Variants in JHY observed in about 807,000 individuals in gnomAD.
JHY encodes the protein jhy protein homolog.
In JHY, 69 loss-of-function variants were observed where a neutral mutation model predicts 78.0. The observed-to-expected ratio is 0.88, with a 90% CI of 0.73 to 1.08. The LOEUF (loss-of-function observed/expected upper bound fraction) is 1.08. Ranked by LOEUF, JHY falls within the 50% of genes least tolerant of loss-of-function variation. The pLI, the probability that JHY is intolerant of heterozygous loss-of-function variation, is 0.00. For synonymous variants in JHY, 368 were observed against 342.6 expected, an observed-to-expected ratio of 1.07 and a Z score of -0.82; for missense variants, 944 against 927.8, an observed-to-expected ratio of 1.02 and a Z score of -0.23.
intron 6 of JHY, among the ~76,000 whole-genome samples, chr11:122,955,034 A>T (rs1012289552): frequency 6.6e-6 from 1 of 152,230 alleles, no homozygotes; most frequent in African/African-American, 2.4e-5. Context: ...CCAAAAAGGA[A>T]ACCAAATTAA....
intron 3 of JHY, among the ~76,000 whole-genome samples, chr11:122,908,116 G>A (rs1447651887): frequency 6.6e-6 from 1 of 152,014 alleles, no homozygotes; most frequent in Non-Finnish European, 1.5e-5. Flanking sequence ...TAAATATGGG[G>A]AGTCCGCCAC....
At chr11:122,890,453 T>C (rs903204887) in intron 2 of JHY, among the ~76,000 whole-genome samples, 5 of 152,146 alleles carry the variant, frequency 3.3e-5, no homozygotes, top group Non-Finnish European at 5.9e-5. Context: ...GTCTCCTAGG[T>C]AATAAATGGG....
Position 122,924,931 on chromosome 11 carries a change from C to CAAG in JHY, c.899_900insAAG (p.Ser300dup). On this transcript the variant is annotated inframe_insertion, in exon 4 of 9. Coordinates refer to ENST00000227349, the MANE Select transcript of JHY (RefSeq NM_024806.4). ...CCCGTCAGAGTAACAGACAAGACGT[C>CAAG]TATTCAGAATGCCAAGGAAATGGAA... 6 of 1,614,050 alleles carry CAAG rather than the reference C, an allele frequency of 3.7e-6. No individual in the cohort carries two copies. Among genetic ancestry groups the CAAG allele is most frequent in the Non-Finnish European group, 5.1e-6 (6 of 1,179,938 alleles).
At position 122,883,135 on chromosome 11, in the gene JHY, G is replaced by A. The variant is rs1862418983; in HGVS notation, c.-90+163G>A. Among the ~76,000 whole-genome samples the A allele has an allele frequency of 6.6e-6, 1 of 152,094 alleles. No individual in the cohort carries two copies. Among genetic ancestry groups the A allele is most frequent in the Non-Finnish European group, 1.5e-5 (1 of 67,998 alleles). ...GGAGTGGGGAGCGACAAGGGGGCGA[G>A]GCCGCGACAAGGGGCTGGGGGGCCG... is the stretch of plus-strand genomic sequence containing the variant. On this transcript the variant is annotated intron_variant, in intron 1 of 8. Transcript: ENST00000227349. This position sits in a 1 kb window ranked among gnomAD's most constrained non-coding sequence, Gnocchi z 4.4.
chr11:122,958,570 C>A, intron 8 of JHY: 1 of 273,174 alleles, frequency 3.7e-6, no homozygotes, highest in Non-Finnish European at 5.6e-6. Flanking sequence ...CCTTGCAGGA[C>A]TGAAAGCATA....
At chr11:122,939,041 G>T (rs975866551) in intron 5 of JHY, among the ~76,000 whole-genome samples, 52 of 150,400 alleles carry the variant, frequency 3.5e-4, no homozygotes, top group African/African-American at 1.2e-3. Context: ...AGGCTGGAGT[G>T]CAGTGGCACG....
In JHY at chr11:122,898,281, T is replaced by A. The variant is rs1337571126; in HGVS notation, c.345-5644T>A. ...CGACTGATCCATTCGCTGATTCACA[T>A]AAGGCAGACACTGCAACCTACTTTC... is the stretch of plus-strand genomic sequence containing the variant. On this transcript the variant is annotated intron_variant, in intron 2 of 8. Coordinates refer to ENST00000227349, the MANE Select transcript of JHY (RefSeq NM_024806.4). This position sits in a 1 kb window ranked among gnomAD's most constrained non-coding sequence, Gnocchi z 4.4. 6.6e-6 allele frequency among the ~76,000 whole-genome samples: 1 copy of A among 152,138 alleles called. No homozygotes were observed. Among genetic ancestry groups the A allele is most frequent in the Non-Finnish European group, 1.5e-5 (1 of 68,024 alleles).
At chr11:122,952,145 C>T (rs545157020) in intron 6 of JHY, among the ~76,000 whole-genome samples, 14 of 151,930 alleles carry the variant, frequency 9.2e-5, no homozygotes, top group Non-Finnish European at 1.3e-4. Flanking sequence ...GGGCTGGAGG[C>T]GGAGGGGGCA....
intron 1 of JHY, among the ~76,000 whole-genome samples, chr11:122,885,302 C>A (rs4417283): frequency 2.0e-5 from 3 of 152,148 alleles, no homozygotes; most frequent in Non-Finnish European, 4.4e-5. Context: ...CTACACTCTT[C>A]TTTCTTCTTA....
intron 5 of JHY, among the ~76,000 whole-genome samples, chr11:122,938,109 A>G (rs1204207549): frequency 6.6e-6 from 1 of 152,052 alleles, no homozygotes; most frequent in Admixed American, 6.5e-5. Flanking sequence ...GCGCCTTTGT[A>G]TAGGTCTGTT....
chr11:122,951,747 T>C (rs1177488957), intron 6 of JHY, among the ~76,000 whole-genome samples: 1 of 152,216 alleles, frequency 6.6e-6, no homozygotes, highest in Admixed American at 6.5e-5. Context: ...GGTACAAACC[T>C]TGCATCAGGA....
chr11:122,924,334 A>C (rs991083858), intron 3 of JHY, among the ~76,000 whole-genome samples: 17 of 152,122 alleles, frequency 1.1e-4, no homozygotes, highest in Non-Finnish European at 2.5e-4. Flanking sequence ...TCTACTACTT[A>C]CTAGCTGTTG....
intron 4 of JHY, among the ~76,000 whole-genome samples, chr11:122,928,044 A>T (rs997640381): frequency 6.6e-6 from 1 of 151,986 alleles, no homozygotes; most frequent in African/African-American, 2.4e-5. Flanking sequence ...TTTTGTACCC[A>T]CTACACTACA....
intron 2 of JHY, among the ~76,000 whole-genome samples, chr11:122,892,374 G>C (rs1314922659): frequency 6.6e-6 from 1 of 151,266 alleles, no homozygotes; most frequent in Non-Finnish European, 1.5e-5. Flanking sequence ...CCAGGCTAGA[G>C]TGCAGTGAGG....
At chr11:122,902,108 C>T (rs1166612926) in intron 2 of JHY, among the ~76,000 whole-genome samples, 3 of 143,908 alleles carry the variant, frequency 2.1e-5, no homozygotes. Flanking sequence ...GAGGCTGTTT[C>T]ACAGTTAACT....
intron 2 of JHY, among the ~76,000 whole-genome samples, chr11:122,890,676 T>A (rs774088484): frequency 6.6e-6 from 1 of 152,200 alleles, no homozygotes; most frequent in Non-Finnish European, 1.5e-5. Flanking sequence ...TTAAATACAA[T>A]CTAATATGTT....
intron 3 of JHY, among the ~76,000 whole-genome samples, chr11:122,920,073 C>T (rs762580430): frequency 1.1e-4 from 17 of 152,156 alleles, no homozygotes; most frequent in South Asian, 4.1e-4. Context: ...ATTGTGTCTC[C>T]ACCTCTTTTG....
At chr11:122,905,035 C>A (rs1862955942) in intron 3 of JHY, 1 of 718,022 alleles carries the variant, frequency 1.4e-6, no homozygotes, top group Non-Finnish European at 2.3e-6. Context: ...TTTTTTCAAT[C>A]TTCAGATGTT....
intron 3 of JHY, among the ~76,000 whole-genome samples, chr11:122,906,523 C>G (rs1212998988): frequency 6.6e-6 from 1 of 152,118 alleles, no homozygotes; most frequent in South Asian, 2.1e-4. Flanking sequence ...AGTAATTTAT[C>G]TCAAACTAGG....
Sources: allele counts gnomAD v4.1 joint callset (sites outside exome capture counted in the v4.1 genomes callset), GRCh38; gene constraint gnomAD v4.1.1; non-coding constraint Gnocchi (gnomAD v3.1); transcripts MANE v1.5; gene names NCBI Gene and HGNC (gene_info 2026-07-23, HGNC 2026-07-21).